EEA1: variants seen among roughly 807,000 people sequenced by gnomAD.
EEA1 encodes the protein early endosome antigen 1.
EEA1 carries 111 observed loss-of-function variants against 209.2 expected under a neutral mutation model. The observed-to-expected ratio is 0.53, with a 90% CI of 0.45 to 0.62. The LOEUF is 0.62. Ranked by LOEUF, EEA1 falls within the 20% of genes least tolerant of loss-of-function variation. EEA1 has a pLI of 0.00. For missense variants in EEA1, 1,343 were observed against 1,530.8 expected, an observed-to-expected ratio of 0.88 and a Z score of 2.05; for synonymous variants, 536 against 540.6, an observed-to-expected ratio of 0.99 and a Z score of 0.12.
At chr12:92,819,053 T>A (rs1875926645) in intron 14 of EEA1, among the ~76,000 whole-genome samples, 1 of 152,208 alleles carries the variant, frequency 6.6e-6, no homozygotes, top group Non-Finnish European at 1.5e-5. Flanking sequence ...TGTAAAATGA[T>A]TTATTCATAG....
intron 2 of EEA1, among the ~76,000 whole-genome samples, chr12:92,876,381 T>C (rs1878886429): frequency 1.3e-5 from 2 of 152,220 alleles, no homozygotes; most frequent in South Asian, 4.1e-4. Context: ...TTTAGTATGT[T>C]TTTATTTTTG....
At chr12:92,904,835 C>A (rs187032862) in intron 1 of EEA1, among the ~76,000 whole-genome samples, 2 of 152,328 alleles carry the variant, frequency 1.3e-5, no homozygotes, top group Non-Finnish European at 2.9e-5. Flanking sequence ...AGATACATCA[C>A]CCTCCCAGCA....
chr12:92,883,724 G>A lies in EEA1; in HGVS notation c.117+7905C>T, dbSNP rs538496332. ...TTCATCAGCTTGTTCTTTTCTGCCC[G>A]CGGACGCCACTGAAGAAGCATCGTT... On this transcript the variant is annotated intron_variant, in intron 2 of 28. Coordinates refer to ENST00000322349, the MANE Select transcript of EEA1 (RefSeq NM_003566.4). 4.2e-5 allele frequency: 44 copies of A among 1,046,524 alleles called. No individual in the cohort carries two copies. In the South Asian group the frequency reaches 4.4e-4, roughly 11 times the overall value. 64.8% of individuals were successfully genotyped at this position (1,046,524 alleles called of 1,614,324 possible).
chr12:92,905,483 C>T (rs947106047), intron 1 of EEA1: 1 of 152,094 alleles, frequency 6.6e-6, no homozygotes, highest in African/African-American at 2.4e-5. Flanking sequence ...TGGTGGCACA[C>T]ACCTGTAATC....
chr12:92,863,712 G>A (rs774018431), intron 3 of EEA1, among the ~76,000 whole-genome samples: 37 of 152,324 alleles, frequency 2.4e-4, no homozygotes, highest in Admixed American at 3.9e-4. Flanking sequence ...CAGAGGTCAA[G>A]CAAAATAAGA....
Position 92,826,163 on chromosome 12 carries a change from TA to T in EEA1, c.1524+2del. ...CAAGGCTAATAACGCAACTAATGTT[TA>T]CCTGAGCTTCTCGAAGTTTTGCCGT... On this transcript the variant is annotated splice_donor_variant, in intron 13 of 28. Transcript: ENST00000322349. LOFTEE classifies it high-confidence loss of function. 6.2e-7 allele frequency: 1 copy of T among 1,613,082 alleles called. No homozygotes were observed. The highest frequency in any genetic ancestry group is 8.5e-7 in the Non-Finnish European group (1 of 1,179,334).
chr12:92,809,626 C>G (rs1875395950), intron 17 of EEA1, among the ~76,000 whole-genome samples: 1 of 149,236 alleles, frequency 6.7e-6, no homozygotes, highest in South Asian at 2.1e-4. Context: ...ACCTGGGAGG[C>G]AGAGGTTGCA....
intron 11 of EEA1, among the ~76,000 whole-genome samples, chr12:92,831,927 T>C (rs1206468081): frequency 1.4e-5 from 2 of 146,890 alleles, no homozygotes; most frequent in Non-Finnish European, 3.0e-5. Context: ...CTACTAAAAA[T>C]ACAAAAAAAA....
rs1442671541 is a variant in EEA1 at position 92,772,606 on chromosome 12, AAT to A, written c.*3403_*3404del. The A allele has an allele frequency of 2.0e-5, 3 of 152,302 alleles. No homozygotes were observed. Among genetic ancestry groups the A allele is most frequent in the African/African-American group, 4.8e-5 (2 of 41,436 alleles). The allele number at this position is 152,302 out of a possible 1,614,324, so 9.4% of individuals were successfully genotyped here. ...TTCCATTGTTCTTTATACAGATTTA[AAT>A]GCTGTCACGTACTTTATCAGTTACA... On this transcript the variant is annotated 3_prime_UTR_variant, in exon 29 of 29. Coordinates refer to ENST00000322349, the MANE Select transcript of EEA1 (RefSeq NM_003566.4).
chr12:92,852,397 T>C, intron 7 of EEA1, 101 bp from the exon 8 acceptor site: 1 of 703,514 alleles, frequency 1.4e-6, no homozygotes, highest in Non-Finnish European at 2.1e-6. Flanking sequence ...TAATTCAAAT[T>C]CACATTCCTT....
In EEA1 at chr12:92,808,908, T is replaced by C. The variant is rs2136672887; in HGVS notation, c.2339+109A>G. 8.3e-6 allele frequency: 7 copies of C among 845,178 alleles called. No homozygotes were observed. In the East Asian group the frequency reaches 1.6e-4, roughly 19 times the overall value. The allele number at this position is 845,178 out of a possible 1,614,324, so 52.4% of individuals were successfully genotyped here. A position where few individuals can be genotyped will look rare whatever the true frequency, so the allele number is the denominator to read the frequency against. Reference sequence around the variant, plus strand: ...TTATAAAATCAACACAAAATAAATATCTAATAAGTCTTTAAGCACTACGAT... The same window carrying C: ...TTATAAAATCAACACAAAATAAATACCTAATAAGTCTTTAAGCACTACGAT... On this transcript the variant is annotated intron_variant, in intron 18 of 28. Coordinates refer to ENST00000322349, the MANE Select transcript of EEA1 (RefSeq NM_003566.4).
In EEA1 at chr12:92,864,966, T is replaced by A; in HGVS notation, c.139A>T (p.Met47Leu). Reference protein sequence around the residue: ...SSEGFICPQCMKSLGSADELF... With the variant: ...SSEGFICPQCLKSLGSADELF... ...TCATCAGCAGATCCAAGAGATTTCA[T>A]ACACTGGGGACATATGAAACCCTAT... is the stretch of plus-strand genomic sequence containing the variant. Residue 47 changes from methionine (M) to leucine (L), a missense_variant, in exon 3 of 29, where the codon ATG (methionine) becomes TTG (leucine). Coordinates refer to ENST00000322349, the MANE Select transcript of EEA1 (RefSeq NM_003566.4). 1 of 1,608,994 alleles carries A rather than the reference T, an allele frequency of 6.2e-7. No individual in the cohort carries two copies. Among genetic ancestry groups the A allele is most frequent in the Non-Finnish European group, 8.5e-7 (1 of 1,177,848 alleles).
intron 1 of EEA1, among the ~76,000 whole-genome samples, chr12:92,892,822 G>A (rs1250372902): frequency 1.3e-5 from 2 of 152,080 alleles, no homozygotes; most frequent in Admixed American, 6.6e-5. Flanking sequence ...TGGAAACGGG[G>A]TTTCACCATG....
chr12:92,870,589 C>T lies in EEA1; in HGVS notation c.118-5602G>A, dbSNP rs553040656. Among the ~76,000 whole-genome samples, 48 of 152,112 alleles carry T rather than the reference C, an allele frequency of 3.2e-4. 1 individual carries two copies. In the South Asian group the frequency reaches 9.8e-3, roughly 31 times the overall value. The stretch of plus-strand genomic sequence containing the variant: ...GTGTTAAAACAAAAATTGAGACAGT[C>T]TGAGATTCAAGTTCTAACGCTGTAT... On this transcript the variant is annotated intron_variant, in intron 2 of 28. Coordinates refer to ENST00000322349, the MANE Select transcript of EEA1 (RefSeq NM_003566.4).
At chr12:92,884,551 T>C (rs967536702) in intron 2 of EEA1, 175 of 1,499,546 alleles carry the variant, frequency 1.2e-4, no homozygotes, top group Non-Finnish European at 1.5e-4. Context: ...ACAATCAGTC[T>C]TCAAATTTTG....
chr12:92,845,468 T>C (rs1877350941), intron 9 of EEA1, among the ~76,000 whole-genome samples: 1 of 152,094 alleles, frequency 6.6e-6, no homozygotes, highest in African/African-American at 2.4e-5. Context: ...AGTTCAAAGA[T>C]CTCTATTCAT....
intron 21 of EEA1, among the ~76,000 whole-genome samples, chr12:92,795,314 C>T (rs1364452053): frequency 6.6e-6 from 1 of 152,156 alleles, no homozygotes; most frequent in Non-Finnish European, 1.5e-5. Context: ...TTTGATCACC[C>T]AACCTTCAGT....
rs994564048 is a variant in EEA1 at position 92,862,238 on chromosome 12, G to A, written c.245+2622C>T. 2.1e-4 allele frequency among the ~76,000 whole-genome samples: 30 copies of A among 146,066 alleles called. 1 individual carries two copies. Among genetic ancestry groups the A allele is most frequent in the Non-Finnish European group, 3.6e-4 (24 of 66,294 alleles). On this transcript the variant is annotated intron_variant, in intron 3 of 28. Transcript: ENST00000322349. ...AACGGAAACGCATGCAGTAACTTCCGTAAGCAATGAGAAGCCTGCAAAAAT... is the reference window on the plus strand; with the variant it reads ...AACGGAAACGCATGCAGTAACTTCCATAAGCAATGAGAAGCCTGCAAAAAT...
At chr12:92,779,381 C>T in intron 24 of EEA1, 81 bp from the exon 25 acceptor site, 1 of 1,265,078 alleles carries the variant, frequency 7.9e-7, no homozygotes, top group South Asian at 1.5e-5. Context: ...TGCAATTTAT[C>T]ACAATAGATC....
Sources: allele counts gnomAD v4.1 joint callset (sites outside exome capture counted in the v4.1 genomes callset), GRCh38; gene constraint gnomAD v4.1.1; transcripts MANE v1.5; gene names NCBI Gene and HGNC (gene_info 2026-07-23, HGNC 2026-07-21).